UPRT: variants seen among roughly 807,000 people sequenced by gnomAD.
The protein encoded by UPRT is RP11-311P8.3.
In UPRT, 5 loss-of-function variants were observed where a neutral mutation model predicts 22.6. The ratio of observed to expected loss-of-function variants is 0.22; its 90% CI spans 0.12 to 0.47. The LOEUF is 0.47. Among genes scored for constraint, UPRT ranks in the 20% least tolerant of loss-of-function variants. The probability of loss-of-function intolerance (pLI) is 0.99; values close to 1 mark genes in which losing one functional copy is unlikely to be tolerated. For synonymous variants in UPRT, 77 were observed against 87.7 expected (o/e 0.88, Z 0.68); for missense variants, 181 against 239.9 (o/e 0.75, Z 1.62).
chrX:75,254,705 T>C (rs1428755370), intron 4 of UPRT, among the ~76,000 whole-genome samples: 2 of 108,555 alleles, frequency 1.8e-5, no homozygotes, highest in Non-Finnish European at 1.9e-5. Flanking sequence ...CTCAAAAAGA[T>C]CATTGCCTAG....
chrX:75,176,644 C>G (rs999861536), intron 4 of UPRT, among the ~76,000 whole-genome samples: 8 of 110,763 alleles, frequency 7.2e-5, no homozygotes, highest in Non-Finnish European at 1.3e-4. Context: ...TGCTTATTTC[C>G]TTTTGGGCAG....
chrX:75,207,095 C>T (rs2147626123), intron 4 of UPRT, among the ~76,000 whole-genome samples: 1 of 112,495 alleles, frequency 8.9e-6, no homozygotes, highest in South Asian at 3.7e-4. Context: ...GTTTAGCTGC[C>T]TCCAGCAGCC....
At chrX:75,293,639 C>A in intron 2 of UPRT, 125 bp downstream of exon 2, 1 of 664,930 alleles carries the variant, frequency 1.5e-6, no homozygotes, top group Non-Finnish European at 2.2e-6. Context: ...TAACCATCAT[C>A]TTGCTAGGCT....
Position 75,300,818 on chromosome X carries a change from A to T in UPRT, c.725-49A>T, listed in dbSNP as rs1205831611. 5 of 1,036,993 alleles carry T rather than the reference A, an allele frequency of 4.8e-6. No individual in the cohort carries two copies. In the East Asian group the frequency reaches 1.6e-4, roughly 32 times the overall value. The allele number at this position is 1,036,993 out of a possible 1,213,427, so 85.5% of individuals were successfully genotyped here. On this transcript the variant is annotated intron_variant, in intron 5 of 6. Transcript: ENST00000373383. ...CCCAAAAAAAGAAAAAAGACATTTAAAAATGAATGTTAAGGTTGCTAATTC... is the reference window on the plus strand; with the variant it reads ...CCCAAAAAAAGAAAAAAGACATTTATAAATGAATGTTAAGGTTGCTAATTC...
At chrX:75,300,743 T>A in intron 5 of UPRT, 124 bp from the exon 6 acceptor site, 1 of 498,973 alleles carries the variant, frequency 2.0e-6, no homozygotes, top group Non-Finnish European at 3.3e-6. Flanking sequence ...GCCGAGATCA[T>A]GCCACTGCAC....
At chrX:75,171,407 C>A (rs2082227124) in intron 4 of UPRT, among the ~76,000 whole-genome samples, 1 of 111,405 alleles carries the variant, frequency 9.0e-6, no homozygotes, top group South Asian at 3.8e-4. Flanking sequence ...TAAATGTGTC[C>A]TTTATTTCTT....
At chrX:75,250,942 C>T (rs980844318) in intron 4 of UPRT, among the ~76,000 whole-genome samples, 19 of 111,557 alleles carry the variant, frequency 1.7e-4, no homozygotes, top group African/African-American at 6.5e-5. Flanking sequence ...AGCATATAAA[C>T]GGAACCAAAG....
chrX:75,203,481 GACACACACACACACACAC>G (rs56145702), intron 4 of UPRT, among the ~76,000 whole-genome samples: 2 of 91,276 alleles, frequency 2.2e-5, no homozygotes, highest in Middle Eastern at 5.5e-3. Flanking sequence ...AAGGGTTAAA[GACACACACACACACACAC>G]ACACACACAC....
At chrX:75,303,369 A>G (rs1365060535) in intron 6 of UPRT, 36 bp from the exon 7 acceptor site, 4 of 1,118,571 alleles carry the variant, frequency 3.6e-6, no homozygotes, top group Non-Finnish European at 4.9e-6. Context: ...GGTGTTACCA[A>G]AACATCCTAC....
At chrX:75,233,056 T>C (rs772796010) in intron 4 of UPRT, among the ~76,000 whole-genome samples, 1 of 111,154 alleles carries the variant, frequency 9.0e-6, no homozygotes, top group South Asian at 3.8e-4. Context: ...AAGAAGAATG[T>C]ATAACTAGAA....
chrX:75,254,474 C>T (rs1162786496), intron 4 of UPRT, among the ~76,000 whole-genome samples: 2 of 111,985 alleles, frequency 1.8e-5, no homozygotes, highest in Non-Finnish European at 3.8e-5. Flanking sequence ...TCCAATGCAA[C>T]AAAGACAAAA....
intron 4 of UPRT, among the ~76,000 whole-genome samples, chrX:75,237,277 A>G (rs1012633874): frequency 2.7e-5 from 3 of 111,955 alleles, no homozygotes; most frequent in African/African-American, 9.8e-5. Flanking sequence ...TAGAATGGCA[A>G]TCATTAAAAA....
At chrX:75,219,474 G>T (rs779646786) in intron 4 of UPRT, among the ~76,000 whole-genome samples, 1 of 111,459 alleles carries the variant, frequency 9.0e-6, no homozygotes, top group Non-Finnish European at 1.9e-5. Flanking sequence ...ATAATAAGTG[G>T]GCTTCATCAA....
upstream of UPRT, among the ~76,000 whole-genome samples, chrX:75,273,921 A>G (rs988711376): frequency 6.3e-5 from 7 of 111,717 alleles, no homozygotes; most frequent in African/African-American, 2.3e-4. Flanking sequence ...AGATCCTTCA[A>G]GCTGGCATCC....
intron 4 of UPRT, among the ~76,000 whole-genome samples, chrX:75,256,141 A>G (rs1385581870): frequency 1.8e-5 from 2 of 112,141 alleles, no homozygotes; most frequent in Non-Finnish European, 3.8e-5. Context: ...TACATTTAAG[A>G]AAATGGAAGT....
intron 1 of UPRT, among the ~76,000 whole-genome samples, chrX:75,288,084 G>C (rs2082689777): frequency 9.0e-6 from 1 of 111,082 alleles, no homozygotes; most frequent in Non-Finnish European, 1.9e-5. Context: ...AGAGGAAATG[G>C]ATACATTCCT....
intron 1 of UPRT, among the ~76,000 whole-genome samples, chrX:75,283,074 T>G (rs1020934062): frequency 8.9e-6 from 1 of 112,140 alleles, no homozygotes; most frequent in Non-Finnish European, 1.9e-5. Flanking sequence ...GTTTGTTTCT[T>G]CTGATATAAC....
chrX:75,243,481 C>A (rs1357229767), intron 4 of UPRT, among the ~76,000 whole-genome samples: 1 of 111,175 alleles, frequency 9.0e-6, no homozygotes, highest in Admixed American at 9.6e-5. Flanking sequence ...GATTGGCAAT[C>A]CTCAAGTTTT....
chrX:75,172,609 T>C (rs2082231471), intron 4 of UPRT, among the ~76,000 whole-genome samples: 1 of 111,862 alleles, frequency 8.9e-6, no homozygotes, highest in African/African-American at 3.3e-5. Context: ...CGGTGAGTGT[T>C]ACAGCTCTTA....
Sources: gnomAD v4.1 joint callset for allele counts (sites outside exome capture counted in the v4.1 genomes callset) on GRCh38, gnomAD v4.1.1 for gene constraint, MANE v1.5 for transcripts, NCBI Gene and HGNC (gene_info 2026-07-23, HGNC 2026-07-21) for gene names.